Variants in CFAP91 observed in about 807,000 individuals in gnomAD.
The protein encoded by CFAP91 is cilia and flagella associated protein 91.
CFAP91 carries 85 observed loss-of-function variants against 95.9 expected under a neutral mutation model. That is an observed-to-expected ratio of 0.89 (90% CI 0.74 to 1.06). CFAP91 has a LOEUF of 1.06. CFAP91 is among the 50% of genes least tolerant of loss of function. The pLI is 0.00. For missense variants in CFAP91, 962 were observed against 943.4 expected (o/e 1.02, Z -0.26); for synonymous variants, 335 against 327.5 (o/e 1.02, Z -0.25).
chr3:119,762,724 A>T (rs2054559854), intron 17 of CFAP91, among the ~76,000 whole-genome samples: 3 of 152,116 alleles, frequency 2.0e-5, no homozygotes, highest in Admixed American at 2.0e-4. Flanking sequence ...TGGGAAAAGG[A>T]CAGTCTTTTC....
At position 119,729,955 on chromosome 3, in the gene CFAP91, A is replaced by G. The variant is rs1470000179; in HGVS notation, c.861-265A>G. On this transcript the variant is annotated intron_variant, in intron 7 of 17. Coordinates refer to ENST00000273390, the MANE Select transcript of CFAP91 (RefSeq NM_033364.4). ...TTCCTTTAGGCCCACCTGCCTAGAGAGCCCTTCTTTTACCCCATCTGCCTG... is the reference window on the plus strand; with the variant it reads ...TTCCTTTAGGCCCACCTGCCTAGAGGGCCCTTCTTTTACCCCATCTGCCTG... Among the ~76,000 whole-genome samples, 5 of 152,182 alleles carry G rather than the reference A, an allele frequency of 3.3e-5. No individual in the cohort carries two copies. The East Asian group carries it at 9.7e-4, about 29-fold the overall frequency.
intron 7 of CFAP91, 69 bp downstream of exon 7, chr3:119,726,417 A>C: frequency 7.1e-7 from 1 of 1,399,158 alleles, no homozygotes; most frequent in Middle Eastern, 1.8e-4. Flanking sequence ...TTATATCTGC[A>C]AAGCATTCTC....
At chr3:119,709,326 T>C (rs1157215061) in intron 4 of CFAP91, among the ~76,000 whole-genome samples, 1 of 152,236 alleles carries the variant, frequency 6.6e-6, no homozygotes, top group African/African-American at 2.4e-5. Flanking sequence ...GCAACCTCCT[T>C]ATGGAAATTT....
chr3:119,750,999 A>G lies in CFAP91; in HGVS notation c.2206A>G (p.Ser736Gly). 6.2e-7 allele frequency: 1 copy of G among 1,614,062 alleles called. No homozygotes were observed. The highest frequency in any genetic ancestry group is 8.5e-7 in the Non-Finnish European group (1 of 1,179,916). Residue 736 changes from serine (S) to glycine (G), a missense_variant, in exon 17 of 18, where the codon AGC becomes GGC. Coordinates refer to ENST00000273390, the MANE Select transcript of CFAP91 (RefSeq NM_033364.4). ...AHQIIHSYTE[S>G]MVQKKLTEGE... ...TCAGATCATCCACAGTTACACGGAA[A>G]GCATGGTTCAAAAGAAATTAACTGA... is the stretch of plus-strand genomic sequence containing the variant.
In CFAP91 at chr3:119,733,504, A is replaced by C; in HGVS notation, c.1342A>C (p.Lys448Gln). The C allele has an allele frequency of 6.2e-7, 1 of 1,613,008 alleles. No homozygotes were observed. The highest frequency in any genetic ancestry group is 1.6e-4 in the Middle Eastern group (1 of 6,062). ...RLDYELAEVH[K>Q]ALLDKKNKVL... ...GGACTATGAGTTGGCAGAGGTTCAT[A>C]AGGTATAATCATTATCTGGAGGACA... Residue 448 changes from lysine to glutamine, a missense_variant and splice_region_variant, in exon 10 of 18, where the codon AAG (lysine) becomes CAG (glutamine). Transcript: ENST00000273390.
At chr3:119,751,757 GGT>G (rs1381393051) in intron 17 of CFAP91, among the ~76,000 whole-genome samples, 5 of 152,104 alleles carry the variant, frequency 3.3e-5, no homozygotes, top group Non-Finnish European at 7.4e-5. Context: ...AAGGAAAAGA[GGT>G]TCACACCGGG....
At chr3:119,726,486 G>A (rs1050553139) in intron 7 of CFAP91, 138 bp downstream of exon 7, 8 of 733,396 alleles carry the variant, frequency 1.1e-5, no homozygotes, top group Admixed American at 3.5e-5. Flanking sequence ...TTGGGCATCC[G>A]GTTCTTTCAG....
chr3:119,726,173 C>T lies in CFAP91; in HGVS notation c.685C>T (p.Arg229Trp), dbSNP rs778921831. Residue 229 changes from arginine to tryptophan, a missense_variant and splice_region_variant, in exon 7 of 18, where the codon CGG becomes TGG. By Grantham distance (101) the Arg-to-Trp change is moderately radical. Transcript: ENST00000273390. ...AGCTGTGCTGCTTTATCCTGCAGGT[C>T]GGGGTCTCCCAGCAGGACAAGCTGA... is the stretch of plus-strand genomic sequence containing the variant. Reference protein sequence around the residue: ...LLTLATLTWGRGLPAGQAEVE... With the variant: ...LLTLATLTWGWGLPAGQAEVE... 13 of 1,607,264 alleles carry T rather than the reference C, an allele frequency of 8.1e-6. No homozygotes were observed. The highest frequency in any genetic ancestry group is 3.4e-5 in the Admixed American group (2 of 59,288).
At chr3:119,710,573 A>T (rs533510210) in intron 5 of CFAP91, among the ~76,000 whole-genome samples, 2 of 152,258 alleles carry the variant, frequency 1.3e-5, no homozygotes, top group Non-Finnish European at 2.9e-5. Context: ...ACACAGACAC[A>T]TATTCAAATT....
intron 5 of CFAP91, among the ~76,000 whole-genome samples, chr3:119,712,589 A>G (rs1261994104): frequency 1.3e-5 from 2 of 152,222 alleles, no homozygotes; most frequent in South Asian, 2.1e-4. Flanking sequence ...ATAAGAAGCC[A>G]TATATTATCT....
At chr3:119,714,458 T>C (rs2053538753) in intron 5 of CFAP91, among the ~76,000 whole-genome samples, 1 of 152,172 alleles carries the variant, frequency 6.6e-6, no homozygotes, top group East Asian at 1.9e-4. Context: ...CATCAACAGT[T>C]TATGAGAAGG....
In CFAP91 at chr3:119,703,087, A is replaced by G. The variant is rs7634701; in HGVS notation, c.-12A>G. Reference sequence around the variant, plus strand: ...GCTGGTCCCTTGCTGGCGGGAGGAAAGAGGCGGCACCATGAGCCACGCAGT... The same window carrying G: ...GCTGGTCCCTTGCTGGCGGGAGGAAGGAGGCGGCACCATGAGCCACGCAGT... On this transcript the variant is annotated 5_prime_UTR_variant, in exon 1 of 18. Coordinates refer to ENST00000273390, the MANE Select transcript of CFAP91 (RefSeq NM_033364.4). 215,329 of 1,550,474 alleles carry G rather than the reference A, an allele frequency of 0.14. 16,252 individuals carry two copies. The highest frequency in any genetic ancestry group is 0.23 in the Admixed American group (11,801 of 51,158).
intron 14 of CFAP91, among the ~76,000 whole-genome samples, chr3:119,744,905 C>G (rs748210481): frequency 2.5e-4 from 38 of 152,152 alleles, no homozygotes; most frequent in Admixed American, 2.0e-4. Flanking sequence ...CAAATCAGAA[C>G]TTGCCATCCT....
intron 17 of CFAP91, chr3:119,752,500 A>G (rs2054343730): frequency 1.3e-5 from 2 of 152,232 alleles, no homozygotes; most frequent in African/African-American, 2.4e-5. Context: ...TTGAAAATAT[A>G]AAACATCTAT....
chr3:119,741,173 T>C (rs997682176), intron 13 of CFAP91, among the ~76,000 whole-genome samples: 1 of 152,206 alleles, frequency 6.6e-6, no homozygotes, highest in Non-Finnish European at 1.5e-5. Flanking sequence ...GATGTGCCCT[T>C]ACTGATTTGA....
chr3:119,710,086 G>A, intron 5 of CFAP91, 191 bp downstream of exon 5: 1 of 564,188 alleles, frequency 1.8e-6, no homozygotes, highest in Middle Eastern at 4.6e-4. Flanking sequence ...AATAACCAAA[G>A]CATCAAGTAT....
At chr3:119,711,045 T>C (rs1332718924) in intron 5 of CFAP91, among the ~76,000 whole-genome samples, 2 of 152,246 alleles carry the variant, frequency 1.3e-5, no homozygotes, top group African/African-American at 4.8e-5. Context: ...TATTTCTGAA[T>C]ACAAATTTAT....
At chr3:119,720,129 C>T (rs1321158464) in intron 6 of CFAP91, among the ~76,000 whole-genome samples, 3 of 151,238 alleles carry the variant, frequency 2.0e-5, no homozygotes, top group Non-Finnish European at 4.4e-5. Flanking sequence ...TGGCTCACCC[C>T]TGTAATCCCA....
chr3:119,732,931 T>C (rs781255610), intron 9 of CFAP91, among the ~76,000 whole-genome samples: 1 of 152,244 alleles, frequency 6.6e-6, no homozygotes, highest in African/African-American at 2.4e-5. Flanking sequence ...TTAATTTCAC[T>C]GACAAATTGA....
Sources: allele counts gnomAD v4.1 joint callset (sites outside exome capture counted in the v4.1 genomes callset), GRCh38; gene constraint gnomAD v4.1.1; transcripts MANE v1.5; gene names NCBI Gene and HGNC (gene_info 2026-07-23, HGNC 2026-07-21).